Variants in CNTN4 observed in about 807,000 individuals in gnomAD.
CNTN4 encodes contactin-4.
Under a neutral mutation model 122.5 loss-of-function variants are expected in CNTN4, and 77 were observed. That is an observed-to-expected ratio of 0.63 (90% CI 0.52 to 0.76). The LOEUF is 0.76. Among genes scored for constraint, CNTN4 ranks in the 30% least tolerant of loss-of-function variants. The pLI is 0.00. For synonymous variants in CNTN4, 512 were observed against 447.0 expected (o/e 1.15, Z -1.83); for missense variants, 1,256 against 1,259.1 (o/e 1.00, Z 0.04).
chr3:2,442,147 A>G (rs1379297163), intron 3 of CNTN4, among the ~76,000 whole-genome samples: 1 of 152,214 alleles, frequency 6.6e-6, no homozygotes, highest in African/African-American at 2.4e-5. Flanking sequence ...TATATCCTTA[A>G]GTCAGATATT....
At chr3:2,119,651 T>G (rs1054055657) in intron 2 of CNTN4, among the ~76,000 whole-genome samples, 1 of 152,170 alleles carries the variant, frequency 6.6e-6, no homozygotes, top group Non-Finnish European at 1.5e-5. Flanking sequence ...GGCTTTTGTC[T>G]TCCAGTCCAA....
At chr3:2,951,757 A>C (rs1309050710) in intron 13 of CNTN4, among the ~76,000 whole-genome samples, 2 of 152,164 alleles carry the variant, frequency 1.3e-5, no homozygotes, top group Non-Finnish European at 2.9e-5. Flanking sequence ...TTTTCATTGC[A>C]AATTCCTTTT....
chr3:2,403,377 A>G (rs1404204908), intron 3 of CNTN4, among the ~76,000 whole-genome samples: 1 of 152,152 alleles, frequency 6.6e-6, no homozygotes, highest in Non-Finnish European at 1.5e-5. Flanking sequence ...CAAGGAACAT[A>G]ACATTTTTTT....
At chr3:2,271,467 T>C (rs965027510) in intron 2 of CNTN4, among the ~76,000 whole-genome samples, 3 of 152,282 alleles carry the variant, frequency 2.0e-5, no homozygotes, top group Non-Finnish European at 1.5e-5. Flanking sequence ...TAATCTCTCT[T>C]TGCCTCCATT....
At chr3:2,263,945 A>G (rs1223090617) in intron 2 of CNTN4, among the ~76,000 whole-genome samples, 1 of 152,130 alleles carries the variant, frequency 6.6e-6, no homozygotes, top group Non-Finnish European at 1.5e-5. Flanking sequence ...ACAGAATTTC[A>G]TTCTGTTTTA....
At chr3:2,542,696 C>T (rs1408625501) in intron 3 of CNTN4, among the ~76,000 whole-genome samples, 1 of 152,074 alleles carries the variant, frequency 6.6e-6, no homozygotes, top group East Asian at 1.9e-4. Flanking sequence ...CATAGAGATG[C>T]TTTGTGGTAC....
At chr3:2,402,993 G>T (rs779285688) in intron 3 of CNTN4, among the ~76,000 whole-genome samples, 1 of 152,038 alleles carries the variant, frequency 6.6e-6, no homozygotes, top group Admixed American at 6.6e-5. Flanking sequence ...CGTTCTGGAG[G>T]CTAGAAGTCA....
chr3:2,895,502 T>C (rs948483184), intron 10 of CNTN4, among the ~76,000 whole-genome samples: 3 of 152,196 alleles, frequency 2.0e-5, no homozygotes, highest in African/African-American at 7.2e-5. Flanking sequence ...TATAGTTGGT[T>C]TTTATATCTG....
intron 2 of CNTN4, among the ~76,000 whole-genome samples, chr3:2,212,020 C>CGGGAGT (rs1048267059): frequency 2.0e-4 from 30 of 152,144 alleles, no homozygotes; most frequent in African/African-American, 6.8e-4. Context: ...ATTGCCCAGA[C>CGGGAGT]GGGAGTGCAG....
At chr3:2,713,467 C>T (rs147032469) in intron 4 of CNTN4, among the ~76,000 whole-genome samples, 275 of 152,240 alleles carry the variant, frequency 1.8e-3, no homozygotes, top group Middle Eastern at 6.8e-3. Context: ...AGGAAATAAA[C>T]GGGGGAACTT....
chr3:2,124,064 C>T (rs1043933415), intron 2 of CNTN4, among the ~76,000 whole-genome samples: 1 of 152,118 alleles, frequency 6.6e-6, no homozygotes, highest in Non-Finnish European at 1.5e-5. Flanking sequence ...TGTGGCCAGG[C>T]TTGCTTGTGG....
chr3:2,552,203 A>T (rs552304786), intron 3 of CNTN4, among the ~76,000 whole-genome samples: 1 of 152,292 alleles, frequency 6.6e-6, no homozygotes, highest in African/African-American at 2.4e-5. Context: ...GAAACACATG[A>T]TACTTTTACA....
intron 3 of CNTN4, among the ~76,000 whole-genome samples, chr3:2,394,074 G>T (rs1379844665): frequency 6.6e-6 from 1 of 151,924 alleles, no homozygotes; most frequent in Admixed American, 6.6e-5. Context: ...TCAAACACCA[G>T]TCTATTTTAA....
chr3:2,943,576 T>C (rs1357514771), intron 13 of CNTN4, among the ~76,000 whole-genome samples: 3 of 149,044 alleles, frequency 2.0e-5, no homozygotes, highest in Non-Finnish European at 4.4e-5. Context: ...TGTTTATTTT[T>C]AGACTCCTAG....
intron 6 of CNTN4, among the ~76,000 whole-genome samples, chr3:2,750,192 C>T (rs2090021849): frequency 6.6e-6 from 1 of 152,208 alleles, no homozygotes; most frequent in African/African-American, 2.4e-5. Flanking sequence ...CAGTTTCATG[C>T]ATGCTGGCCC....
intron 14 of CNTN4, among the ~76,000 whole-genome samples, chr3:3,001,877 C>G (rs913952922): frequency 6.6e-5 from 10 of 152,292 alleles, no homozygotes; most frequent in South Asian, 6.2e-4. Flanking sequence ...ACTCCCATAT[C>G]TATACCAGAA....
intron 5 of CNTN4, among the ~76,000 whole-genome samples, chr3:2,743,446 A>C (rs142027378): frequency 6.4e-4 from 97 of 152,270 alleles, no homozygotes; most frequent in African/African-American, 2.3e-3. Flanking sequence ...CTTATATACA[A>C]ACACATAAAG....
At chr3:2,289,087 A>G (rs1308297769) in intron 2 of CNTN4, among the ~76,000 whole-genome samples, 1 of 152,172 alleles carries the variant, frequency 6.6e-6, no homozygotes, top group East Asian at 1.9e-4. Context: ...ATAGACTCAA[A>G]AGTACATTTC....
rs111612596 is a variant in CNTN4 at position 2,435,867 on chromosome 3, G to A, written c.-89+96634G>A. Among the ~76,000 whole-genome samples the A allele has an allele frequency of 1.6e-3, 248 of 152,278 alleles. 1 individual carries two copies. The highest frequency in any genetic ancestry group is 0.014 in the Middle Eastern group (4 of 294). The stretch of plus-strand genomic sequence containing the variant: ...TTATTTTCTTCCCACAGAACGTGGA[G>A]CACTACTATGATTTCTATTCCCTTG... On this transcript the variant is annotated intron_variant, in intron 3 of 24. Coordinates refer to ENST00000418658, the MANE Select transcript of CNTN4 (RefSeq NM_175607.3).
Sources: gnomAD v4.1 joint callset for allele counts (sites outside exome capture counted in the v4.1 genomes callset) on GRCh38, gnomAD v4.1.1 for gene constraint, MANE v1.5 for transcripts, NCBI Gene and HGNC (gene_info 2026-07-23, HGNC 2026-07-21) for gene names.